Variants in SLC35F4 observed in about 807,000 individuals in gnomAD.
SLC35F4 encodes the protein chromosome 14 open reading frame 36.
In SLC35F4, 24 loss-of-function variants were observed where a neutral mutation model predicts 44.2. The ratio of observed to expected loss-of-function variants is 0.54; its 90% confidence interval spans 0.39 to 0.76. The LOEUF is 0.76. SLC35F4 is among the 30% of genes least tolerant of loss of function. The probability of loss-of-function intolerance (pLI) is 0.00; values close to 1 mark genes in which losing one functional copy is unlikely to be tolerated. For missense variants in SLC35F4, 562 were observed against 586.1 expected (o/e 0.96, Z 0.42); for synonymous variants, 238 against 223.6 (o/e 1.06, Z -0.57).
intron 1 of SLC35F4, among the ~76,000 whole-genome samples, chr14:57,716,210 A>C (rs1015450027): frequency 6.6e-6 from 1 of 152,002 alleles, no homozygotes; most frequent in African/African-American, 2.4e-5. Context: ...ACTTAAGTAA[A>C]CCCTTCTGAA....
chr14:57,677,935 A>C (rs2074755836), intron 1 of SLC35F4, among the ~76,000 whole-genome samples: 1 of 152,118 alleles, frequency 6.6e-6, no homozygotes, highest in Admixed American at 6.5e-5. Flanking sequence ...AAACAGATGC[A>C]AACTAAAATA....
At chr14:57,980,868 G>C (rs1881358457) in intron 1 of SLC35F4, among the ~76,000 whole-genome samples, 1 of 152,196 alleles carries the variant, frequency 6.6e-6, no homozygotes, top group Admixed American at 6.5e-5. Flanking sequence ...GGACCATCCA[G>C]ATATAGAATA....
chr14:57,836,758 A>G (rs1239247089), intron 1 of SLC35F4, among the ~76,000 whole-genome samples: 6 of 152,112 alleles, frequency 3.9e-5, no homozygotes, highest in Non-Finnish European at 7.4e-5. Context: ...CACCTCCATC[A>G]GCACACACAC....
At chr14:57,837,306 G>A (rs189355033) in intron 1 of SLC35F4, 7 of 152,290 alleles carry the variant, frequency 4.6e-5, no homozygotes, top group Admixed American at 1.3e-4. Flanking sequence ...TCCTAATTGC[G>A]AAGAATTTTT....
At chr14:57,651,582 C>A (rs577560894) in intron 1 of SLC35F4, among the ~76,000 whole-genome samples, 4 of 152,094 alleles carry the variant, frequency 2.6e-5, no homozygotes, top group African/African-American at 9.7e-5. Flanking sequence ...GCAAGAGGAA[C>A]CAGGACTGGC....
rs1432658229 is a variant in SLC35F4, at chr14:57,608,802, G to T, written c.104-14678C>A. On this transcript the variant is annotated intron_variant, in intron 1 of 7. Coordinates refer to ENST00000556826, the MANE Select transcript of SLC35F4 (RefSeq NM_001306087.2). ...AAAAGATGGCCGGGGGGGGGCGGCG[G>T]GGGGAGAGAAACAGGAAATTATAAC... 8.2e-5 allele frequency among the ~76,000 whole-genome samples: 9 copies of T among 110,046 alleles called. 2 individuals are homozygous for T. The highest frequency in any genetic ancestry group is 2.6e-4 in the African/African-American group (8 of 30,488). 72.2% of individuals were successfully genotyped at this position (110,046 alleles called of 152,430 possible).
intron 1 of SLC35F4, among the ~76,000 whole-genome samples, chr14:57,874,312 G>T (rs2141028756): frequency 1.3e-5 from 2 of 152,302 alleles, no homozygotes; most frequent in Middle Eastern, 3.4e-3. Context: ...TTCCTCAAAG[G>T]TGGTGACTGC....
rs917959329 is a variant in SLC35F4 at position 57,564,024 on chromosome 14, A to G, written c.*111T>C. The G allele has an allele frequency of 1.8e-5, 22 of 1,200,376 alleles. No individual in the cohort carries two copies. In the Admixed American group the frequency reaches 5.6e-4, roughly 31 times the overall value. 74.4% of individuals were successfully genotyped at this position (1,200,376 alleles called of 1,614,324 possible). ...TTTTATTGTTGGCATTATTTCACAT[A>G]TGATTTATCCAAATTCAGAGTTAAT... On this transcript the variant is annotated 3_prime_UTR_variant, in exon 8 of 8. Transcript: ENST00000556826.
At chr14:57,666,585 C>A (rs2074316337) in intron 1 of SLC35F4, among the ~76,000 whole-genome samples, 1 of 152,066 alleles carries the variant, frequency 6.6e-6, no homozygotes, top group African/African-American at 2.4e-5. Context: ...AACTCCTGAC[C>A]TGCAGAAACA....
chr14:57,751,558 C>G (rs981199270), intron 1 of SLC35F4, among the ~76,000 whole-genome samples: 1 of 152,196 alleles, frequency 6.6e-6, no homozygotes, highest in African/African-American at 2.4e-5. Flanking sequence ...CAACGAAACA[C>G]GTCGATTTAC....
intron 7 of SLC35F4, among the ~76,000 whole-genome samples, chr14:57,565,966 C>G (rs1344010263): frequency 1.3e-5 from 2 of 152,110 alleles, no homozygotes; most frequent in African/African-American, 4.8e-5. Flanking sequence ...CTAGAAATAT[C>G]CTGGAAAAAT....
At chr14:57,571,872 C>G (rs961996789) in intron 5 of SLC35F4, 22 bp downstream of exon 5, 9 of 1,597,876 alleles carry the variant, frequency 5.6e-6, no homozygotes, top group Non-Finnish European at 7.7e-6. Flanking sequence ...CAGTTGCTTA[C>G]AAAAGAAAGT....
Position 57,654,190 on chromosome 14 carries a change from C to A in SLC35F4, c.104-60066G>T, listed in dbSNP as rs375986581. Among the ~76,000 whole-genome samples, 6 of 152,142 alleles carry A rather than the reference C, an allele frequency of 3.9e-5. No homozygotes were observed. The East Asian group carries it at 5.8e-4, about 15-fold the overall frequency. The stretch of plus-strand genomic sequence containing the variant: ...TTGAGGAACAGGTGGTTTTGGCTTA[C>A]ATGAATTAGTTCTTTAGTGGCGATT... On this transcript the variant is annotated intron_variant, in intron 1 of 7. Coordinates refer to ENST00000556826, the MANE Select transcript of SLC35F4 (RefSeq NM_001306087.2).
intron 1 of SLC35F4, among the ~76,000 whole-genome samples, chr14:57,965,070 T>C (rs60332364): frequency 0.06 from 9,086 of 151,290 alleles, 321 homozygotes; most frequent in African/African-American, 0.091. Flanking sequence ...TAGTTTCATA[T>C]TGCTGCTGTT....
chr14:57,719,255 G>C (rs2140429423), intron 1 of SLC35F4, among the ~76,000 whole-genome samples: 1 of 152,284 alleles, frequency 6.6e-6, no homozygotes, highest in East Asian at 1.9e-4. Flanking sequence ...AGTGTAATTT[G>C]AAGTCAGGTA....
At chr14:57,739,002 A>G (rs937657769) in intron 1 of SLC35F4, among the ~76,000 whole-genome samples, 3 of 143,724 alleles carry the variant, frequency 2.1e-5, no homozygotes, top group Non-Finnish European at 4.7e-5. Context: ...AAGTAATACA[A>G]AGTTTCTTTT....
At chr14:57,865,570 C>T (rs1444939630) in intron 1 of SLC35F4, among the ~76,000 whole-genome samples, 153 bp downstream of exon 1, 4 of 152,248 alleles carry the variant, frequency 2.6e-5, no homozygotes, top group East Asian at 3.9e-4. Context: ...CTTTTCTCCC[C>T]GGGGGGTCCC....
intron 1 of SLC35F4, among the ~76,000 whole-genome samples, chr14:57,914,977 G>T (rs2141053897): frequency 6.6e-6 from 1 of 152,222 alleles, no homozygotes; most frequent in South Asian, 2.1e-4. Context: ...GTCCCCAGGT[G>T]GTCTGTAGCA....
intron 1 of SLC35F4, among the ~76,000 whole-genome samples, chr14:57,707,341 G>T (rs1181777943): frequency 1.3e-5 from 2 of 152,116 alleles, no homozygotes; most frequent in Non-Finnish European, 2.9e-5. Flanking sequence ...GGAAGAGATT[G>T]GATCACGGGG....
Sources: allele counts gnomAD v4.1 joint callset (sites outside exome capture counted in the v4.1 genomes callset), GRCh38; gene constraint gnomAD v4.1.1; transcripts MANE v1.5; gene names NCBI Gene and HGNC (gene_info 2026-07-23, HGNC 2026-07-21).